The following SLC36A1 variants were observed in gnomAD, a reference collection of about 807,000 sequenced individuals.
SLC36A1 encodes solute carrier family 36 member 1.
In SLC36A1, 30 loss-of-function variants were observed where a neutral mutation model predicts 47.5. That is an observed-to-expected ratio of 0.63 (90% confidence interval 0.47 to 0.86). SLC36A1 has a LOEUF of 0.86. Ranked by LOEUF, SLC36A1 falls within the 40% of genes least tolerant of loss-of-function variation. SLC36A1 has a pLI of 0.00. For missense variants in SLC36A1, 517 were observed against 606.0 expected (o/e 0.85, Z 1.54); for synonymous variants, 255 against 249.7 (o/e 1.02, Z -0.20).
At chr5:151,414,512 G>GA in the SLC36A1 span, among the ~76,000 whole-genome samples, 2,304 of 152,222 alleles carry the variant, frequency 0.015, 47 homozygotes, top group African/African-American at 0.052. Context: ...TTTTCAAGTT[G>GA]AAAAAATATC....
the SLC36A1 span, among the ~76,000 whole-genome samples, chr5:151,426,301 C>A: frequency 1.1e-4 from 16 of 151,976 alleles, no homozygotes; most frequent in East Asian, 3.1e-3. Flanking sequence ...GGACCTGCGC[C>A]AGCACTGGTC....
intron 8 of SLC36A1, among the ~76,000 whole-genome samples, chr5:151,474,963 C>T (rs1757840109): frequency 6.6e-6 from 1 of 152,142 alleles, no homozygotes; most frequent in African/African-American, 2.4e-5. Flanking sequence ...GAGAAATCAC[C>T]CAGGTGGTGT....
chr5:151,396,312 A>G, the SLC36A1 span, among the ~76,000 whole-genome samples: 1 of 151,126 alleles, frequency 6.6e-6, no homozygotes, highest in Non-Finnish European at 1.5e-5. Context: ...CATATTGGCC[A>G]GGCTGGTCTC....
rs1759887518 is a variant in SLC36A1 at position 151,488,970 on chromosome 5, A to AT, written c.*721dup. On this transcript the variant is annotated 3_prime_UTR_variant, in exon 11 of 11. Coordinates refer to ENST00000243389, the MANE Select transcript of SLC36A1 (RefSeq NM_078483.4). ...ATATTTATCTTTTATTTAAAATCAGATTTTTGTTTTTAGACTGTCTTAGAT... is the reference window on the plus strand; with the variant it reads ...ATATTTATCTTTTATTTAAAATCAGATTTTTTGTTTTTAGACTGTCTTAGAT... 1 of 152,136 alleles carries AT rather than the reference A, an allele frequency of 6.6e-6. No homozygotes were observed. Among genetic ancestry groups the AT allele is most frequent in the Non-Finnish European group, 1.5e-5 (1 of 68,030 alleles). 9.4% of individuals were successfully genotyped at this position (152,136 alleles called of 1,614,324 possible). A position where few individuals can be genotyped will look rare whatever the true frequency, so the allele number is the denominator to read the frequency against.
chr5:151,349,688 A>C, the SLC36A1 span, among the ~76,000 whole-genome samples: 1 of 152,330 alleles, frequency 6.6e-6, no homozygotes, highest in South Asian at 2.1e-4. Context: ...ATCTCCAAAA[A>C]GAGTGGAGCA....
the SLC36A1 span, among the ~76,000 whole-genome samples, chr5:151,393,989 A>T: frequency 6.6e-6 from 1 of 152,190 alleles, no homozygotes; most frequent in Middle Eastern, 3.4e-3. Flanking sequence ...ATAATATCCT[A>T]CAGAGTATTT....
At chr5:151,440,663 C>G (rs1035404105) in intron 1 of SLC36A1, among the ~76,000 whole-genome samples, 2 of 152,036 alleles carry the variant, frequency 1.3e-5, no homozygotes, top group Non-Finnish European at 2.9e-5. Context: ...AGCATAACCC[C>G]TCATGTTATA....
the SLC36A1 span, among the ~76,000 whole-genome samples, chr5:151,546,948 A>G: frequency 6.6e-6 from 1 of 152,148 alleles, no homozygotes; most frequent in African/African-American, 2.4e-5. Flanking sequence ...CTGAGCAAAT[A>G]TCTTTGCCCC....
the SLC36A1 span, among the ~76,000 whole-genome samples, chr5:151,402,967 A>G: frequency 2.0e-5 from 3 of 152,164 alleles, 1 homozygote; most frequent in East Asian, 5.8e-4. Flanking sequence ...TTTTGGCTTC[A>G]TTGATCCTTT....
At chr5:151,483,303 G>A (rs994613033) in intron 10 of SLC36A1, among the ~76,000 whole-genome samples, 1 of 152,208 alleles carries the variant, frequency 6.6e-6, no homozygotes, top group African/African-American at 2.4e-5. Flanking sequence ...TGCTTCAGCA[G>A]TTTAAAAGCT....
At chr5:151,499,452 C>T in the SLC36A1 span, among the ~76,000 whole-genome samples, 15 of 152,192 alleles carry the variant, frequency 9.9e-5, no homozygotes, top group Non-Finnish European at 1.2e-4. Context: ...GAGCCCTGGG[C>T]GCGTCACTCC....
At chr5:151,465,583 T>G (rs1004365271) in intron 5 of SLC36A1, among the ~76,000 whole-genome samples, 2 of 152,020 alleles carry the variant, frequency 1.3e-5, no homozygotes, top group African/African-American at 4.8e-5. Context: ...TTGTAGTCTG[T>G]GTAAGGAAAA....
At chr5:151,358,956 G>C in the SLC36A1 span, among the ~76,000 whole-genome samples, 1 of 144,000 alleles carries the variant, frequency 6.9e-6, no homozygotes, top group South Asian at 2.2e-4. Flanking sequence ...AGTCCGGCCT[G>C]GGCGACAGAG....
Position 151,462,458 on chromosome 5 carries a change from G to A in SLC36A1, c.144-1095G>A, listed in dbSNP as rs192336213. Among the ~76,000 whole-genome samples, 19 of 151,604 alleles carry A rather than the reference G, an allele frequency of 1.3e-4. 1 individual carries two copies. The East Asian group carries it at 1.8e-3, about 14-fold the overall frequency. Reference sequence around the variant, plus strand: ...TGGCTCACTGCAACCTCTGCCTCCCGGATTCAAGCGATTCTTCTGCCTCAG... The same window carrying A: ...TGGCTCACTGCAACCTCTGCCTCCCAGATTCAAGCGATTCTTCTGCCTCAG... On this transcript the variant is annotated intron_variant, in intron 2 of 10. Transcript: ENST00000243389.
the SLC36A1 span, among the ~76,000 whole-genome samples, chr5:151,368,722 G>T: frequency 1.3e-5 from 2 of 152,112 alleles, no homozygotes; most frequent in Non-Finnish European, 2.9e-5. Context: ...TTGTTTTGGT[G>T]ATCAATCATG....
the SLC36A1 span, among the ~76,000 whole-genome samples, chr5:151,353,074 T>C: frequency 6.6e-6 from 1 of 152,178 alleles, no homozygotes; most frequent in South Asian, 2.1e-4. Context: ...GAAAAAGAGA[T>C]TCTCTTTGCT....
At chr5:151,528,494 C>A in the SLC36A1 span, among the ~76,000 whole-genome samples, 4 of 152,124 alleles carry the variant, frequency 2.6e-5, no homozygotes, top group African/African-American at 9.7e-5. Context: ...ATATATTACA[C>A]TGGGGAGATT....
the SLC36A1 span, among the ~76,000 whole-genome samples, chr5:151,547,257 T>A: frequency 6.6e-6 from 1 of 152,218 alleles, no homozygotes; most frequent in African/African-American, 2.4e-5. Flanking sequence ...TGAGCTATCC[T>A]CTTTCTTTGG....
At chr5:151,385,037 T>TGTGTGTGTGTGTGTGTGA in the SLC36A1 span, among the ~76,000 whole-genome samples, 377 of 142,112 alleles carry the variant, frequency 2.7e-3, 1 homozygote, top group African/African-American at 0.01. Context: ...TGTGTGTGTG[T>TGTGTGTGTGTGTGTGTGA]GAGAGAGAGA....
Sources: allele counts gnomAD v4.1 joint callset (sites outside exome capture counted in the v4.1 genomes callset), GRCh38; gene constraint gnomAD v4.1.1; transcripts MANE v1.5; gene names NCBI Gene and HGNC (gene_info 2026-07-23, HGNC 2026-07-21).